Variants in KLHL29 observed in about 807,000 individuals in gnomAD.
KLHL29 encodes kelch-like protein 29.
KLHL29 carries 21 observed loss-of-function variants against 80.4 expected under a neutral mutation model. The observed-to-expected ratio is 0.26, with a 90% CI of 0.19 to 0.38. The LOEUF is 0.38. Ranked by LOEUF, KLHL29 falls within the 10% of genes least tolerant of loss-of-function variation. KLHL29 has a pLI of 1.00. For missense variants in KLHL29, 867 were observed against 1,223.9 expected (o/e 0.71, Z 4.35); for synonymous variants, 511 against 526.8 (o/e 0.97, Z 0.41).
intron 2 of KLHL29, among the ~76,000 whole-genome samples, chr2:23,496,153 C>A (rs1344751): frequency 0.26 from 39,001 of 152,114 alleles, 5,300 homozygotes; most frequent in East Asian, 0.47. Context: ...AAGAGGACTC[C>A]GGCTTACCCG....
Position 23,642,354 on chromosome 2 carries a change from G to A in KLHL29, c.444G>A (p.Val148=), listed in dbSNP as rs1229236934. 1 of 1,434,356 alleles carries A rather than the reference G, an allele frequency of 7.0e-7. No homozygotes were observed. Among genetic ancestry groups the A allele is most frequent in the Non-Finnish European group, 9.2e-7 (1 of 1,088,862 alleles). 88.9% of individuals were successfully genotyped at this position (1,434,356 alleles called of 1,614,324 possible). ...ESDNPGTGPW[V]TTVAAGNQPT... is the part of the protein sequence containing the mutation. The stretch of plus-strand genomic sequence containing the variant: ...CCCTTGCAGGCACAGGGCCATGGGT[G>A]ACCACGGTGGCCGCCGGGAACCAGC... Residue 148 remains valine, a synonymous_variant, in exon 5 of 14, where the codon GTG becomes GTA. Coordinates refer to ENST00000486442, the MANE Select transcript of KLHL29 (RefSeq NM_052920.2).
At chr2:23,648,248 A>G (rs1669994046) in intron 5 of KLHL29, among the ~76,000 whole-genome samples, 1 of 152,040 alleles carries the variant, frequency 6.6e-6, no homozygotes, top group Non-Finnish European at 1.5e-5. Context: ...TCATCTATAA[A>G]AGGGGGAGAA....
At chr2:23,634,046 C>A (rs1669544423) in intron 3 of KLHL29, among the ~76,000 whole-genome samples, 1 of 152,164 alleles carries the variant, frequency 6.6e-6, no homozygotes, top group Admixed American at 6.5e-5. Context: ...TGTGTGACCC[C>A]CACGGCTCCC....
At chr2:23,622,498 C>G (rs550328590) in intron 3 of KLHL29, among the ~76,000 whole-genome samples, 6 of 152,336 alleles carry the variant, frequency 3.9e-5, no homozygotes, top group Non-Finnish European at 8.8e-5. Flanking sequence ...TGGACAAATG[C>G]GAATGATGGG....
intron 1 of KLHL29, among the ~76,000 whole-genome samples, chr2:23,409,715 A>T (rs1443751650): frequency 6.6e-6 from 1 of 152,244 alleles, no homozygotes; most frequent in Non-Finnish European, 1.5e-5. Flanking sequence ...GGAACTCGAC[A>T]GGGAGCAAAA....
At chr2:23,659,376 C>T (rs947762643) in intron 5 of KLHL29, among the ~76,000 whole-genome samples, 6 of 152,330 alleles carry the variant, frequency 3.9e-5, no homozygotes, top group Admixed American at 2.6e-4. Context: ...GAGGAAACTT[C>T]GGTTCAGAAA....
intron 2 of KLHL29, among the ~76,000 whole-genome samples, chr2:23,549,024 G>A (rs1271594104): frequency 6.6e-6 from 1 of 152,218 alleles, no homozygotes; most frequent in Non-Finnish European, 1.5e-5. Context: ...CCAACAAGGT[G>A]GGTAGGGGGA....
chr2:23,406,733 T>G (rs1436018352), intron 1 of KLHL29, among the ~76,000 whole-genome samples: 1 of 152,222 alleles, frequency 6.6e-6, no homozygotes, highest in Non-Finnish European at 1.5e-5. Flanking sequence ...TATCTGTGCA[T>G]GTCAAGTGAA....
intron 3 of KLHL29, among the ~76,000 whole-genome samples, chr2:23,599,661 T>C (rs1244163554): frequency 6.6e-6 from 1 of 152,094 alleles, no homozygotes; most frequent in Non-Finnish European, 1.5e-5. Flanking sequence ...TTTGGAAAAG[T>C]CAGAACAAGA....
At position 23,644,799 on chromosome 2, in the gene KLHL29, C is replaced by T. The variant is rs1416174514; in HGVS notation, c.940+1949C>T. Among the ~76,000 whole-genome samples the T allele has an allele frequency of 2.6e-5, 4 of 152,228 alleles. No homozygotes were observed. The East Asian group carries it at 5.8e-4, about 22-fold the overall frequency. On this transcript the variant is annotated intron_variant, in intron 5 of 13. Transcript: ENST00000486442. ...AGAAATAGGGGCCCTGCTAAGATTC[C>T]CTCTACCAGGCCCCACTGGGCAGAC...
intron 5 of KLHL29, among the ~76,000 whole-genome samples, chr2:23,678,268 C>T (rs1460957100): frequency 6.6e-6 from 1 of 152,224 alleles, no homozygotes; most frequent in East Asian, 1.9e-4. Flanking sequence ...CCACTTGCCG[C>T]TGCATCCACA....
At chr2:23,458,732 G>A (rs1338400557) in intron 1 of KLHL29, among the ~76,000 whole-genome samples, 1 of 152,182 alleles carries the variant, frequency 6.6e-6, no homozygotes, top group Admixed American at 6.5e-5. Context: ...GAAACACCCT[G>A]CAGTACAAGT....
intron 11 of KLHL29, among the ~76,000 whole-genome samples, chr2:23,702,814 T>A (rs1330455518): frequency 6.6e-6 from 1 of 150,842 alleles, no homozygotes; most frequent in Non-Finnish European, 1.5e-5. Context: ...TTCTCCAGTT[T>A]CCAGCCTGGG....
chr2:23,496,544 AGT>A (rs1040443573), intron 2 of KLHL29, among the ~76,000 whole-genome samples: 13 of 152,026 alleles, frequency 8.6e-5, no homozygotes, highest in African/African-American at 3.1e-4. Flanking sequence ...GTACCCCGCC[AGT>A]GTGCAGCAGC....
chr2:23,695,607 C>CT lies in KLHL29; in HGVS notation c.1543-15dup, dbSNP rs943001679. 33 of 1,538,140 alleles carry CT rather than the reference C, an allele frequency of 2.1e-5. No individual in the cohort carries two copies. Among genetic ancestry groups the CT allele is most frequent in the Non-Finnish European group, 2.6e-5 (30 of 1,139,420 alleles). On this transcript the variant is annotated splice_polypyrimidine_tract_variant and intron_variant, in intron 8 of 13. Coordinates refer to ENST00000486442, the MANE Select transcript of KLHL29 (RefSeq NM_052920.2). This position sits in a 1 kb window ranked among gnomAD's most constrained non-coding sequence, Gnocchi z 7.6. ...TCTTGCTAGTCTAAGAAGATTCTGT[C>CT]TCCTGTACCCTGCAGTACGCGGCTG... is the stretch of plus-strand genomic sequence containing the variant.
intron 2 of KLHL29, among the ~76,000 whole-genome samples, chr2:23,488,355 C>T (rs55681027): frequency 0.064 from 9,719 of 152,292 alleles, 409 homozygotes; most frequent in African/African-American, 0.12. Flanking sequence ...CTCTGGCAGC[C>T]GTCTCTGGGC....
At chr2:23,490,796 C>T (rs1011190887) in intron 2 of KLHL29, among the ~76,000 whole-genome samples, 1 of 152,176 alleles carries the variant, frequency 6.6e-6, no homozygotes, top group African/African-American at 2.4e-5. Flanking sequence ...TGGCTCCCAA[C>T]CTAAACCCCC....
At chr2:23,556,625 C>A (rs1440423812) in intron 2 of KLHL29, among the ~76,000 whole-genome samples, 3 of 151,758 alleles carry the variant, frequency 2.0e-5, no homozygotes, top group Non-Finnish European at 4.4e-5. Flanking sequence ...TGCACTCCAG[C>A]CTGGGTGACA....
intron 3 of KLHL29, among the ~76,000 whole-genome samples, chr2:23,623,870 G>A (rs994244128): frequency 3.3e-5 from 5 of 152,238 alleles, no homozygotes; most frequent in African/African-American, 1.2e-4. Context: ...CAGAAGGAGA[G>A]AGCTGCCAGC....
Sources: gnomAD v4.1 joint callset for allele counts (sites outside exome capture counted in the v4.1 genomes callset) on GRCh38, gnomAD v4.1.1 for gene constraint, Gnocchi (gnomAD v3.1) non-coding constraint, MANE v1.5 for transcripts, NCBI Gene and HGNC (gene_info 2026-07-23, HGNC 2026-07-21) for gene names.